The following BCL2 variants were observed in gnomAD, a reference collection of about 807,000 sequenced individuals.
BCL2 encodes the protein apoptosis regulator Bcl-2.
A neutral mutation model predicts 14.2 loss-of-function variants in BCL2; 1 was observed. That is an observed-to-expected ratio of 0.07 (90% confidence interval 0.02 to 0.33). The LOEUF (loss-of-function observed/expected upper bound fraction) is 0.33. BCL2 is among the 10% of genes least tolerant of loss of function. The pLI, the probability that BCL2 is intolerant of heterozygous loss-of-function variation, is 0.99. For synonymous variants in BCL2, 151 were observed against 137.2 expected (o/e 1.10, Z -0.70); for missense variants, 247 against 305.9 (o/e 0.81, Z 1.44).
At chr18:63,201,878 T>A (rs553950199) in intron 2 of BCL2, among the ~76,000 whole-genome samples, 3 of 152,086 alleles carry the variant, frequency 2.0e-5, no homozygotes, top group Admixed American at 6.5e-5. Context: ...ACCTAATGTA[T>A]GTGACAGGGT....
chr18:63,281,723 A>AGAAAGAAAGAAG (rs1568256900), intron 2 of BCL2, among the ~76,000 whole-genome samples: 23 of 150,248 alleles, frequency 1.5e-4, no homozygotes, highest in African/African-American at 5.7e-4. Flanking sequence ...AAAGAAAGAA[A>AGAAAGAAAGAAG]GAAAGAAAGA....
Position 63,231,474 on chromosome 18 carries a change from C to A in BCL2, c.585+86608G>T, listed in dbSNP as rs369554996. Among the ~76,000 whole-genome samples the A allele has an allele frequency of 1.8e-4, 28 of 152,000 alleles. No individual in the cohort carries two copies. In the East Asian group the frequency reaches 2.9e-3, roughly 16 times the overall value. Reference sequence around the variant, plus strand: ...TAGATAATCCATGAGAAACTATGAACAATTACAAGAAATAAGAGGGTTTGG... The same window carrying A: ...TAGATAATCCATGAGAAACTATGAAAAATTACAAGAAATAAGAGGGTTTGG... On this transcript the variant is annotated intron_variant, in intron 2 of 2. Transcript: ENST00000333681.
At chr18:63,317,691 T>C in intron 2 of BCL2, 1 of 1,065,592 alleles carries the variant, frequency 9.4e-7, no homozygotes, top group Non-Finnish European at 1.1e-6. Flanking sequence ...ACCTGGTATC[T>C]GGTTCATAAG....
At chr18:63,185,021 C>T (rs944915557) in intron 2 of BCL2, among the ~76,000 whole-genome samples, 2 of 152,204 alleles carry the variant, frequency 1.3e-5, no homozygotes, top group African/African-American at 2.4e-5. Context: ...CCTGCTAAAT[C>T]CTCTGGTCCT....
At chr18:63,182,196 G>T (rs1915493335) in intron 2 of BCL2, among the ~76,000 whole-genome samples, 1 of 152,142 alleles carries the variant, frequency 6.6e-6, no homozygotes, top group Admixed American at 6.5e-5. Flanking sequence ...GTGTGGCTTG[G>T]ACACCAGAAC....
intron 2 of BCL2, among the ~76,000 whole-genome samples, chr18:63,255,750 G>A (rs1415211016): frequency 6.6e-6 from 1 of 151,692 alleles, no homozygotes; most frequent in East Asian, 1.9e-4. Context: ...GGACCTCATC[G>A]ATGTTTTAAA....
chr18:63,175,869 TCA>T (rs1190846624), intron 2 of BCL2, among the ~76,000 whole-genome samples: 1 of 152,160 alleles, frequency 6.6e-6, no homozygotes, highest in Non-Finnish European at 1.5e-5. Flanking sequence ...TCTACGGGGC[TCA>T]CACCTCTCTG....
At chr18:63,227,323 C>T in intron 2 of BCL2, among the ~76,000 whole-genome samples, 1 of 152,166 alleles carries the variant, frequency 6.6e-6, no homozygotes, top group East Asian at 1.9e-4. Flanking sequence ...GGATGTACTT[C>T]AGTAAGAAGG....
intron 2 of BCL2, among the ~76,000 whole-genome samples, chr18:63,195,337 C>G (rs1909415320): frequency 6.6e-6 from 1 of 152,228 alleles, no homozygotes; most frequent in Admixed American, 6.5e-5. Flanking sequence ...TGGCTGGTAT[C>G]CCTTCCCATG....
intron 2 of BCL2, among the ~76,000 whole-genome samples, chr18:63,291,401 T>C (rs1403579670): frequency 6.6e-6 from 1 of 152,222 alleles, no homozygotes; most frequent in Non-Finnish European, 1.5e-5. Flanking sequence ...TTACCAAAGA[T>C]TCACAATACA....
chr18:63,242,941 T>C (rs572754398), intron 2 of BCL2, among the ~76,000 whole-genome samples: 1 of 152,276 alleles, frequency 6.6e-6, no homozygotes, highest in African/African-American at 2.4e-5. Flanking sequence ...CCCAAAAAGT[T>C]GTTTACAGTA....
intron 2 of BCL2, among the ~76,000 whole-genome samples, chr18:63,211,756 G>T (rs867989302): frequency 8.5e-5 from 13 of 152,322 alleles, no homozygotes; most frequent in Admixed American, 2.6e-4. Context: ...TACTGTGGCT[G>T]CAAGCTGTGT....
chr18:63,215,935 T>C (rs1910186907), intron 2 of BCL2, among the ~76,000 whole-genome samples: 1 of 152,034 alleles, frequency 6.6e-6, no homozygotes. Context: ...AAAAATTCAT[T>C]GAGAGAGAAA....
intron 2 of BCL2, among the ~76,000 whole-genome samples, chr18:63,183,721 C>G (rs946709230): frequency 6.6e-6 from 1 of 152,128 alleles, no homozygotes; most frequent in Non-Finnish European, 1.5e-5. Flanking sequence ...GGGGCGGGGG[C>G]GGGGGGCTTA....
intron 2 of BCL2, among the ~76,000 whole-genome samples, chr18:63,305,551 T>C (rs1913099332): frequency 6.6e-6 from 1 of 152,150 alleles, no homozygotes; most frequent in East Asian, 1.9e-4. Flanking sequence ...GGCCAACAGA[T>C]ATGGAATTTT....
intron 2 of BCL2, among the ~76,000 whole-genome samples, chr18:63,253,843 A>T (rs1911386993): frequency 6.6e-6 from 1 of 151,628 alleles, no homozygotes; most frequent in South Asian, 2.1e-4. Flanking sequence ...CAGAAAAAAA[A>T]AAAAGAAAGA....
At chr18:63,165,449 G>A (rs1365307527) in intron 2 of BCL2, among the ~76,000 whole-genome samples, 1 of 152,156 alleles carries the variant, frequency 6.6e-6, no homozygotes, top group Non-Finnish European at 1.5e-5. Flanking sequence ...CCCTGGCTTG[G>A]GGAGCCGCAG....
At position 63,197,707 on chromosome 18, in the gene BCL2, A is replaced by G. The variant is rs1909487375; in HGVS notation, c.586-68948T>C. 2.6e-5 allele frequency among the ~76,000 whole-genome samples: 4 copies of G among 152,116 alleles called. No homozygotes were observed. In the South Asian group the frequency reaches 8.3e-4, roughly 32 times the overall value. On this transcript the variant is annotated intron_variant, in intron 2 of 2. Transcript: ENST00000333681. ...GAAAGGAAGAAGGAAGTGAGGGAGG[A>G]GGAAGCTTTCATAAGATGATGTAAT...
At chr18:63,283,885 T>C (rs191060071) in intron 2 of BCL2, among the ~76,000 whole-genome samples, 1 of 152,222 alleles carries the variant, frequency 6.6e-6, no homozygotes, top group African/African-American at 2.4e-5. Flanking sequence ...TCCTGCTTCC[T>C]AGTTTTAGGT....
Sources: gnomAD v4.1 joint callset for allele counts (sites outside exome capture counted in the v4.1 genomes callset) on GRCh38, gnomAD v4.1.1 for gene constraint, MANE v1.5 for transcripts, NCBI Gene and HGNC (gene_info 2026-07-23, HGNC 2026-07-21) for gene names.